The following SLIT1 variants were observed in gnomAD, a reference collection of about 807,000 sequenced individuals.
SLIT1 encodes slit guidance ligand 1.
A neutral mutation model predicts 186.1 loss-of-function variants in SLIT1; 66 were observed. That is an observed-to-expected ratio of 0.35 (90% confidence interval 0.29 to 0.44). SLIT1 has a LOEUF of 0.44. Among genes scored for constraint, SLIT1 ranks in the 20% least tolerant of loss-of-function variants. SLIT1 has a pLI of 1.00. For synonymous variants in SLIT1, 761 were observed against 833.8 expected, an observed-to-expected ratio of 0.91 and a Z score of 1.50; for missense variants, 1,638 against 2,037.4, an observed-to-expected ratio of 0.80 and a Z score of 3.77.
At chr10:97,039,646 G>A (rs1848672887) in intron 21 of SLIT1, among the ~76,000 whole-genome samples, 1 of 152,206 alleles carries the variant, frequency 6.6e-6, no homozygotes, top group Non-Finnish European at 1.5e-5. Context: ...TACACTGCTG[G>A]TGCAAAAATC....
rs569094099 is a variant in SLIT1, at chr10:97,031,621, C to G, written c.2495G>C (p.Arg832Pro). Reference protein sequence around the residue: ...CIPPLAFQGLRSLRLLSLHGN... With the variant: ...CIPPLAFQGLPSLRLLSLHGN... ...GGAGACTTACAGCAGGCGCAGGGAG[C>G]GGAGTCCCTGGAAGGCCAAAGGCGG... The change falls in exon 24 of 37, where the codon CGC becomes CCC. Residue 832 changes from arginine to proline, a missense_variant. Transcript: ENST00000266058. The G allele has an allele frequency of 6.4e-7, 1 of 1,551,298 alleles. No individual in the cohort carries two copies. Among genetic ancestry groups the G allele is most frequent in the African/African-American group, 1.4e-5 (1 of 73,110 alleles).
At chr10:97,113,163 T>C (rs948358689) in intron 4 of SLIT1, among the ~76,000 whole-genome samples, 1 of 152,232 alleles carries the variant, frequency 6.6e-6, no homozygotes, top group African/African-American at 2.4e-5. Context: ...TAATTATATA[T>C]AATTTGATAT....
intron 18 of SLIT1, among the ~76,000 whole-genome samples, chr10:97,045,975 T>C (rs1848730067): frequency 6.6e-6 from 1 of 152,192 alleles, no homozygotes; most frequent in South Asian, 2.1e-4. Flanking sequence ...TGAGTAGCAC[T>C]AGCCACATTT....
At chr10:97,172,277 C>T (rs1340555687) in intron 1 of SLIT1, among the ~76,000 whole-genome samples, 1 of 152,118 alleles carries the variant, frequency 6.6e-6, no homozygotes, top group Non-Finnish European at 1.5e-5. Flanking sequence ...AACTCCTGAC[C>T]TCAAGTGATC....
chr10:97,164,051 G>C (rs1442094160), intron 2 of SLIT1, among the ~76,000 whole-genome samples: 1 of 152,222 alleles, frequency 6.6e-6, no homozygotes, highest in Non-Finnish European at 1.5e-5. Context: ...GGGTGCCCAC[G>C]CCAACTGAAC....
chr10:97,071,969 G>A (rs1288268936), intron 4 of SLIT1, among the ~76,000 whole-genome samples: 2 of 152,210 alleles, frequency 1.3e-5, no homozygotes, highest in Non-Finnish European at 2.9e-5. Context: ...GTAGGGAAGA[G>A]GAAGAAGGCA....
intron 4 of SLIT1, chr10:97,153,740 T>A (rs1849909820): frequency 6.6e-6 from 1 of 151,712 alleles, no homozygotes; most frequent in East Asian, 1.9e-4. Context: ...AGCTCCGAGG[T>A]CACAGGAAGT....
chr10:97,073,429 T>C (rs2134647790), intron 4 of SLIT1, among the ~76,000 whole-genome samples: 1 of 152,254 alleles, frequency 6.6e-6, no homozygotes, highest in South Asian at 2.1e-4. Context: ...GATCTGCGAC[T>C]GGAAGGACAA....
At chr10:97,170,982 A>G (rs1055596588) in intron 1 of SLIT1, among the ~76,000 whole-genome samples, 3 of 152,150 alleles carry the variant, frequency 2.0e-5, no homozygotes, top group African/African-American at 7.2e-5. Flanking sequence ...CTGTTCCCTC[A>G]GGGACTAGAA....
chr10:97,043,105 G>A lies in SLIT1; in HGVS notation c.1998-38C>T. 1 of 1,599,454 alleles carries A rather than the reference G, an allele frequency of 6.3e-7. No individual in the cohort carries two copies. Among genetic ancestry groups the A allele is most frequent in the Non-Finnish European group, 8.5e-7 (1 of 1,171,912 alleles). On this transcript the variant is annotated intron_variant, in intron 19 of 36. Coordinates refer to ENST00000266058, the MANE Select transcript of SLIT1 (RefSeq NM_003061.3). This position sits in a 1 kb window ranked among gnomAD's most constrained non-coding sequence, Gnocchi z 7.0. ...GGCCAGGCGGCCATGGAGACACTCTGCCCCTCTCAGAGGTCCCAGCAAACC... is the reference window on the plus strand; with the variant it reads ...GGCCAGGCGGCCATGGAGACACTCTACCCCTCTCAGAGGTCCCAGCAAACC...
chr10:97,009,611 A>C (rs2134590769), intron 31 of SLIT1, among the ~76,000 whole-genome samples: 1 of 152,348 alleles, frequency 6.6e-6, no homozygotes, highest in South Asian at 2.1e-4. Flanking sequence ...CAAGCAACAA[A>C]ATAAAAAATA....
At chr10:97,015,975 T>C (rs1397599458) in intron 28 of SLIT1, among the ~76,000 whole-genome samples, 1 of 152,092 alleles carries the variant, frequency 6.6e-6, no homozygotes, top group African/African-American at 2.4e-5. Flanking sequence ...AGGTAAAATG[T>C]TTAACTGTTA....
intron 26 of SLIT1, among the ~76,000 whole-genome samples, chr10:97,020,910 A>G (rs80336756): frequency 0.052 from 7,930 of 152,362 alleles, 265 homozygotes; most frequent in Middle Eastern, 0.092. Context: ...AGAGAGGTCT[A>G]AGTTAACTGC....
At chr10:97,073,620 G>T (rs1288376169) in intron 4 of SLIT1, among the ~76,000 whole-genome samples, 3 of 152,192 alleles carry the variant, frequency 2.0e-5, no homozygotes, top group South Asian at 4.1e-4. Context: ...GCGGGACAAG[G>T]TCCCAGACTT....
chr10:97,162,371 A>T (rs1459157392), intron 3 of SLIT1, among the ~76,000 whole-genome samples: 2 of 152,156 alleles, frequency 1.3e-5, no homozygotes, highest in Non-Finnish European at 2.9e-5. Flanking sequence ...GCACTTTAGG[A>T]GGCCGAGGCA....
Position 97,057,245 on chromosome 10 carries a change from A to G in SLIT1, c.1122T>C (p.Arg374=). ...LYGNKITDLP[R]GVFGGLYTLQ... is the part of the protein sequence containing the mutation. ...GGGTGTATAGGCCTCCAAACACACC[A>G]CGGGGGAGGTCTGTGATCTTGTTTC... is the stretch of plus-strand genomic sequence containing the variant. Residue 374 remains arginine (R), a synonymous_variant, in exon 12 of 37, where the codon CGT becomes CGC. Coordinates refer to ENST00000266058, the MANE Select transcript of SLIT1 (RefSeq NM_003061.3). 1 of 1,613,886 alleles carries G rather than the reference A, an allele frequency of 6.2e-7. No homozygotes were observed. The highest frequency in any genetic ancestry group is 8.5e-7 in the Non-Finnish European group (1 of 1,179,900).
At chr10:97,079,979 T>C (rs1234033166) in intron 4 of SLIT1, among the ~76,000 whole-genome samples, 1 of 152,208 alleles carries the variant, frequency 6.6e-6, no homozygotes, top group African/African-American at 2.4e-5. Context: ...AAATGCCTTC[T>C]CTGCCTTGTT....
chr10:97,027,796 G>T (rs993502873), intron 25 of SLIT1, among the ~76,000 whole-genome samples: 17 of 152,124 alleles, frequency 1.1e-4, no homozygotes, highest in Non-Finnish European at 1.5e-5. Context: ...AAAACCTCTA[G>T]ATTTTGAGCT....
At chr10:97,144,996 A>G (rs1166548927) in intron 4 of SLIT1, among the ~76,000 whole-genome samples, 2 of 152,164 alleles carry the variant, frequency 1.3e-5, no homozygotes, top group African/African-American at 4.8e-5. Flanking sequence ...CACTGGAGGA[A>G]AAGAGAGGAC....
Sources: gnomAD v4.1 joint callset for allele counts (sites outside exome capture counted in the v4.1 genomes callset) on GRCh38, gnomAD v4.1.1 for gene constraint, Gnocchi (gnomAD v3.1) non-coding constraint, MANE v1.5 for transcripts, NCBI Gene and HGNC (gene_info 2026-07-23, HGNC 2026-07-21) for gene names.